LRRFIP2: variants seen among roughly 807,000 people sequenced by gnomAD.
LRRFIP2 encodes the protein leucine-rich repeat flightless-interacting protein 2.
LRRFIP2 carries 109 observed loss-of-function variants against 125.9 expected under a neutral mutation model. That is an observed-to-expected ratio of 0.87 (90% CI 0.74 to 1.01). The LOEUF (loss-of-function observed/expected upper bound fraction) is 1.01. Ranked by LOEUF, LRRFIP2 falls within the 50% of genes least tolerant of loss-of-function variation. The pLI is 0.00. For synonymous variants in LRRFIP2, 291 were observed against 293.1 expected, an observed-to-expected ratio of 0.99 and a Z score of 0.07; for missense variants, 850 against 862.3, an observed-to-expected ratio of 0.99 and a Z score of 0.18.
chr3:37,151,906 G>A (rs2096041245), intron 1 of LRRFIP2, among the ~76,000 whole-genome samples: 1 of 152,200 alleles, frequency 6.6e-6, no homozygotes, highest in South Asian at 2.1e-4. Context: ...GGCCTGGCCG[G>A]AAGATTTCTT....
chr3:37,163,191 A>G (rs2096391368), intron 1 of LRRFIP2, among the ~76,000 whole-genome samples: 1 of 152,232 alleles, frequency 6.6e-6, no homozygotes, highest in Admixed American at 6.5e-5. Flanking sequence ...GAGAGCTTTC[A>G]TCTAATAGCA....
chr3:37,069,271 T>G (rs953953544), intron 21 of LRRFIP2, among the ~76,000 whole-genome samples: 3 of 152,144 alleles, frequency 2.0e-5, no homozygotes, highest in South Asian at 2.1e-4. Context: ...GGCAGAGTCT[T>G]GAAGAGTTAT....
intron 6 of LRRFIP2, among the ~76,000 whole-genome samples, chr3:37,120,794 T>A (rs532619019): frequency 1.8e-4 from 28 of 151,944 alleles, no homozygotes; most frequent in African/African-American, 5.3e-4. Flanking sequence ...ATAAAAAAAA[T>A]TTTAAATAAA....
In LRRFIP2 at chr3:37,103,107, A is replaced by T. The variant is rs1234875034; in HGVS notation, c.784-94T>A. The T allele has an allele frequency of 8.6e-6, 7 of 809,824 alleles. No homozygotes were observed. The African/African-American group carries it at 1.1e-4, about 12-fold the overall frequency. 50.2% of individuals were successfully genotyped at this position (809,824 alleles called of 1,614,324 possible). ...GGCCAATTAGGGAAAAGTTTTTTAAAATTTTGATGGGTGATAAAGTACCAA... is the reference window on the plus strand; with the variant it reads ...GGCCAATTAGGGAAAAGTTTTTTAATATTTTGATGGGTGATAAAGTACCAA... On this transcript the variant is annotated intron_variant, in intron 14 of 27. Coordinates refer to ENST00000336686, the MANE Select transcript of LRRFIP2 (RefSeq NM_006309.4).
At chr3:37,059,506 G>A (rs1022298280) in intron 24 of LRRFIP2, among the ~76,000 whole-genome samples, 2 of 151,896 alleles carry the variant, frequency 1.3e-5, no homozygotes, top group African/African-American at 4.8e-5. Context: ...AAAATAATTG[G>A]GGCTGGGCAC....
Position 37,119,784 on chromosome 3 carries a change from C to T in LRRFIP2, c.330+1708G>A, listed in dbSNP as rs190983175. Among the ~76,000 whole-genome samples, 640 of 152,212 alleles carry T rather than the reference C, an allele frequency of 4.2e-3. 5 individuals are homozygous for T. Among genetic ancestry groups the T allele is most frequent in the Non-Finnish European group, 5.5e-3 (376 of 67,990 alleles). ...AACTGATTCTCATGCCTCAGCCTCC[C>T]AAGTAGCTGGGATTACAGGCGTGAG... On this transcript the variant is annotated intron_variant, in intron 6 of 27. Coordinates refer to ENST00000336686, the MANE Select transcript of LRRFIP2 (RefSeq NM_006309.4).
chr3:37,111,003 G>C lies in LRRFIP2; in HGVS notation c.501C>G (p.Ala167=). 6.2e-7 allele frequency: 1 copy of C among 1,613,714 alleles called. No homozygotes were observed. Among genetic ancestry groups the C allele is most frequent in the Non-Finnish European group, 8.5e-7 (1 of 1,179,802 alleles). The change falls in exon 9 of 28, where the codon GCC becomes GCG. Residue 167 remains alanine (A), a synonymous_variant. Transcript: ENST00000336686. ...AGTTTAGACAAACCCGAGTGTAGTA[G>C]GCAGAGGTGGGTTTGCTATGTCTAA... ...SSLRHSKPTS[A]YYTRQSSSLY...
intron 2 of LRRFIP2, among the ~76,000 whole-genome samples, chr3:37,141,795 T>C (rs1484471925): frequency 1.3e-5 from 2 of 152,188 alleles, no homozygotes; most frequent in Non-Finnish European, 2.9e-5. Context: ...GGCTGATTCC[T>C]GAGTATCTAT....
chr3:37,135,104 G>A, intron 2 of LRRFIP2: 1 of 1,312,408 alleles, frequency 7.6e-7, no homozygotes, highest in Non-Finnish European at 1.1e-6. Context: ...AATGCCATAT[G>A]ATGCTACCTT....
At chr3:37,084,859 A>G (rs1422560916) in intron 18 of LRRFIP2, among the ~76,000 whole-genome samples, 1 of 151,944 alleles carries the variant, frequency 6.6e-6, no homozygotes. Context: ...TTTAAAGCTA[A>G]AAAAAATGTT....
intron 1 of LRRFIP2, among the ~76,000 whole-genome samples, chr3:37,152,350 T>C (rs1159122223): frequency 1.3e-5 from 2 of 152,202 alleles, no homozygotes; most frequent in Non-Finnish European, 2.9e-5. Context: ...CACCATAAAC[T>C]GCTTGGGTGA....
In LRRFIP2 at chr3:37,094,928, C is replaced by G; in HGVS notation, c.919-20G>C. 7.2e-7 allele frequency: 1 copy of G among 1,381,642 alleles called. No homozygotes were observed. Among genetic ancestry groups the G allele is most frequent in the Non-Finnish European group, 1.0e-6 (1 of 968,298 alleles). The allele number at this position is 1,381,642 out of a possible 1,614,324, so 85.6% of individuals were successfully genotyped here. On this transcript the variant is annotated intron_variant, in intron 16 of 27. Transcript: ENST00000336686. ...TGAAGGCTAGAAAGAGAAATATGAC[C>G]CTTCTAAGTCTCATTTCTTTAAAAA...
intron 24 of LRRFIP2, among the ~76,000 whole-genome samples, chr3:37,062,824 A>G (rs2089162049): frequency 1.3e-5 from 2 of 152,206 alleles, no homozygotes; most frequent in Admixed American, 1.3e-4. Flanking sequence ...CCCTCTTCTC[A>G]GGAAGCTACT....
At chr3:37,080,495 A>T (rs1404664021) in intron 19 of LRRFIP2, among the ~76,000 whole-genome samples, 1 of 152,158 alleles carries the variant, frequency 6.6e-6, no homozygotes, top group Non-Finnish European at 1.5e-5. Flanking sequence ...TGCAGCCCCT[A>T]GTCAATTAAA....
At chr3:37,096,794 T>C (rs2093741245) in intron 15 of LRRFIP2, 134 bp from the exon 16 acceptor site, 7 of 551,972 alleles carry the variant, frequency 1.3e-5, no homozygotes, top group Non-Finnish European at 2.2e-5. Context: ...AAAAATGAAA[T>C]TAAAATTCCA....
At chr3:37,065,330 G>A (rs1455927386) in intron 23 of LRRFIP2, 1 of 287,068 alleles carries the variant, frequency 3.5e-6, no homozygotes, top group Non-Finnish European at 7.0e-6. Context: ...TGCTCTGGAA[G>A]TCATACTTCT....
intron 2 of LRRFIP2, among the ~76,000 whole-genome samples, chr3:37,147,478 G>T (rs903693070): frequency 2.6e-5 from 4 of 152,124 alleles, no homozygotes; most frequent in Admixed American, 2.0e-4. Flanking sequence ...ATGTATTTTT[G>T]TTATAGTAAT....
intron 21 of LRRFIP2, among the ~76,000 whole-genome samples, chr3:37,072,356 G>T (rs2091347626): frequency 2.0e-5 from 3 of 151,970 alleles, no homozygotes; most frequent in Admixed American, 2.0e-4. Context: ...CAAAAAATTA[G>T]CTGGGCATGG....
chr3:37,161,394 G>A (rs916629946), intron 1 of LRRFIP2, among the ~76,000 whole-genome samples: 1 of 152,016 alleles, frequency 6.6e-6, no homozygotes, highest in Non-Finnish European at 1.5e-5. Context: ...GTATTGACTC[G>A]TGCTACATAC....
Sources: gnomAD v4.1 joint callset for allele counts (sites outside exome capture counted in the v4.1 genomes callset) on GRCh38, gnomAD v4.1.1 for gene constraint, MANE v1.5 for transcripts, NCBI Gene and HGNC (gene_info 2026-07-23, HGNC 2026-07-21) for gene names.